Variants in BIN1 observed in about 807,000 individuals in gnomAD.
BIN1 encodes myc box-dependent-interacting protein 1.
In BIN1, 53 loss-of-function variants were observed where a neutral mutation model predicts 82.0. The observed-to-expected ratio is 0.65, with a 90% confidence interval of 0.52 to 0.81. BIN1 has a LOEUF of 0.81. Among genes scored for constraint, BIN1 ranks in the 40% least tolerant of loss-of-function variants. BIN1 has a pLI of 0.00. For synonymous variants in BIN1, 302 were observed against 328.0 expected (o/e 0.92, Z 0.86); for missense variants, 642 against 784.4 (o/e 0.82, Z 2.17).
rs565797852 is a variant in BIN1 at position 127,052,716 on chromosome 2, C to A, written c.1264-354G>T. 88 of 345,158 alleles carry A rather than the reference C, an allele frequency of 2.5e-4. No homozygotes were observed. In the East Asian group the frequency reaches 2.9e-3, roughly 11 times the overall value. The allele number at this position is 345,158 out of a possible 1,614,324, so 21.4% of individuals were successfully genotyped here. A position where few individuals can be genotyped will look rare whatever the true frequency, so the allele number is the denominator to read the frequency against. On this transcript the variant is annotated intron_variant, in intron 14 of 18. Coordinates refer to ENST00000316724, the MANE Select transcript of BIN1 (RefSeq NM_139343.3). Reference sequence around the variant, plus strand: ...GGAGCCTGGGCTGCCAGCGCATGCCCCAAGGGCGCCTGCACACCCGCCTGC... The same window carrying A: ...GGAGCCTGGGCTGCCAGCGCATGCCACAAGGGCGCCTGCACACCCGCCTGC...
At chr2:127,103,344 T>C (rs1680596972) in intron 1 of BIN1, among the ~76,000 whole-genome samples, 1 of 152,122 alleles carries the variant, frequency 6.6e-6, no homozygotes, top group Non-Finnish European at 1.5e-5. Flanking sequence ...ATAGTGCAAT[T>C]CATGGCCATG....
intron 7 of BIN1, among the ~76,000 whole-genome samples, chr2:127,065,452 C>T (rs978967184): frequency 2.6e-5 from 4 of 152,144 alleles, no homozygotes; most frequent in African/African-American, 9.7e-5. Flanking sequence ...CCTGGGTGTC[C>T]CATTACCTGG....
intron 1 of BIN1, among the ~76,000 whole-genome samples, chr2:127,104,087 G>C (rs867646356): frequency 6.6e-6 from 1 of 152,198 alleles, no homozygotes; most frequent in Non-Finnish European, 1.5e-5. Context: ...AGACAGCATC[G>C]GGGACTCAGC....
At position 127,048,073 on chromosome 2, in the gene BIN1, A is replaced by G. The variant is rs1477539182; in HGVS notation, c.*453T>C. 1.0e-5 allele frequency: 2 copies of G among 191,396 alleles called. No individual in the cohort carries two copies. Among genetic ancestry groups the G allele is most frequent in the Non-Finnish European group, 2.2e-5 (2 of 90,822 alleles). The allele number at this position is 191,396 out of a possible 1,614,324, so 11.9% of individuals were successfully genotyped here. A position where few individuals can be genotyped will look rare whatever the true frequency, so the allele number is the denominator to read the frequency against. Reference sequence around the variant, plus strand: ...TTTTTTTTTGTTTCATTTTGTTTTGAACACTAAGATTTATTTTCAAACAGC... The same window carrying G: ...TTTTTTTTTGTTTCATTTTGTTTTGGACACTAAGATTTATTTTCAAACAGC... On this transcript the variant is annotated 3_prime_UTR_variant, in exon 19 of 19. Transcript: ENST00000316724.
Position 127,053,997 on chromosome 2 carries a change from G to T in BIN1, c.1147C>A (p.Pro383Thr), listed in dbSNP as rs1573549506. The change falls in exon 13 of 19, where the codon CCT (proline) becomes ACT (threonine). Residue 383 changes from proline to threonine, a missense_variant. Physicochemically the swap from Pro to Thr is conservative, Grantham distance 38 (BLOSUM62 -1). Transcript: ENST00000316724. ...AGCAGACTGGCCTGCTCCGAGAAAG[G>T]CCCCGGGGCCTCAAACTTGGCAGCA... Reference protein sequence around the residue: ...TTPSQFEAPGPFSEQASLLDL... With the variant: ...TTPSQFEAPGTFSEQASLLDL... 1.3e-6 allele frequency: 2 copies of T among 1,551,310 alleles called. No individual in the cohort carries two copies. Among genetic ancestry groups the T allele is most frequent in the South Asian group, 2.4e-5 (2 of 84,050 alleles).
At chr2:127,069,871 C>G in intron 5 of BIN1, 124 bp downstream of exon 5, 1 of 978,028 alleles carries the variant, frequency 1.0e-6, no homozygotes, top group Non-Finnish European at 1.5e-6. Context: ...GGTGAAACAC[C>G]GGGCCAGGCG....
intron 10 of BIN1, chr2:127,060,467 T>A: frequency 7.2e-7 from 1 of 1,393,666 alleles, no homozygotes. Context: ...ACGACAGCCC[T>A]GCCGGGCAGC....
At chr2:127,087,977 G>A (rs991037357) in intron 1 of BIN1, among the ~76,000 whole-genome samples, 3 of 152,058 alleles carry the variant, frequency 2.0e-5, no homozygotes, top group East Asian at 1.9e-4. Context: ...ATCATCAAGC[G>A]CCCAGCCAGC....
intron 1 of BIN1, among the ~76,000 whole-genome samples, chr2:127,105,406 C>CA (rs1025729166): frequency 6.6e-6 from 1 of 151,876 alleles, no homozygotes; most frequent in South Asian, 2.1e-4. Flanking sequence ...GTGCTGCCAC[C>CA]CCCCCACCCC....
intron 1 of BIN1, among the ~76,000 whole-genome samples, chr2:127,100,018 G>A (rs796720294): frequency 2.0e-4 from 30 of 151,546 alleles, no homozygotes; most frequent in African/African-American, 7.0e-4. Context: ...GGCCAGCTGT[G>A]GTCTAGAACT....
intron 1 of BIN1, among the ~76,000 whole-genome samples, chr2:127,101,437 C>A (rs909830261): frequency 1.1e-4 from 17 of 152,120 alleles, no homozygotes; most frequent in African/African-American, 3.9e-4. Context: ...TCCTCCCGCA[C>A]GGGACACATG....
At chr2:127,064,607 G>T (rs544403367) in intron 7 of BIN1, among the ~76,000 whole-genome samples, 2 of 152,338 alleles carry the variant, frequency 1.3e-5, no homozygotes, top group African/African-American at 4.8e-5. Context: ...CCACCAGAGG[G>T]AGACCAGAGG....
chr2:127,058,229 G>A (rs1683962085), intron 11 of BIN1, among the ~76,000 whole-genome samples: 1 of 152,222 alleles, frequency 6.6e-6, no homozygotes, highest in African/African-American at 2.4e-5. Context: ...GACAGCGCCT[G>A]CTTCACAGGG....
At chr2:127,101,409 A>T (rs749009) in intron 1 of BIN1, among the ~76,000 whole-genome samples, 1 of 151,566 alleles carries the variant, frequency 6.6e-6, no homozygotes, top group East Asian at 1.9e-4. Context: ...CCACATCTCA[A>T]TCCTCAACCT....
chr2:127,063,430 G>A, intron 9 of BIN1, 141 bp downstream of exon 9: 1 of 913,262 alleles, frequency 1.1e-6, no homozygotes, highest in Non-Finnish European at 1.7e-6. Flanking sequence ...TGTTCCACAG[G>A]GCCGGGAGGG....
intron 1 of BIN1, among the ~76,000 whole-genome samples, chr2:127,084,942 TCA>T (rs1376106928): frequency 6.6e-6 from 1 of 152,096 alleles, no homozygotes; most frequent in Non-Finnish European, 1.5e-5. Context: ...CCCAGTGAAG[TCA>T]CACGTACAGA....
chr2:127,050,871 A>G lies in BIN1; in HGVS notation c.1503T>C (p.Thr501=). The G allele has an allele frequency of 6.2e-7, 1 of 1,613,892 alleles. No individual in the cohort carries two copies. The highest frequency in any genetic ancestry group is 8.5e-7 in the Non-Finnish European group (1 of 1,180,014). ...PAVVVETFPA[T]VNGTVEGGSG... ...TGCCGCCCTCCACGGTGCCATTCAC[A>G]GTTGCTGGGAAGGTCTCCACCACGA... The change falls in exon 17 of 19, where the codon ACT becomes ACC. Residue 501 remains threonine (T), a synonymous_variant. Coordinates refer to ENST00000316724, the MANE Select transcript of BIN1 (RefSeq NM_139343.3).
rs1558817118 is a variant in BIN1, at chr2:127,062,110, C to CG, written c.857+4dup. The stretch of plus-strand genomic sequence containing the variant: ...CAGGGGCGCCAGGGCTCTCCCCGCA[C>CG]GCACCTGGGCTGGGCCTTGACCGTG... On this transcript the variant is annotated splice_donor_region_variant and intron_variant, in intron 10 of 18. Coordinates refer to ENST00000316724, the MANE Select transcript of BIN1 (RefSeq NM_139343.3). 6.2e-7 allele frequency: 1 copy of CG among 1,603,060 alleles called. No homozygotes were observed. The highest frequency in any genetic ancestry group is 1.1e-5 in the South Asian group (1 of 89,052).
rs549752388 is a variant in BIN1, at chr2:127,067,821, T to C, written c.612+342A>G. ...GCATGGCAGTACAGGGGCCTGATGA[T>C]GTCGCCTCCCTCCCCAGAGGAGCCC... On this transcript the variant is annotated intron_variant, in intron 7 of 18. Transcript: ENST00000316724. The surrounding 1 kb of genome is among the most constrained non-coding windows in gnomAD (Gnocchi z 4.7). Among the ~76,000 whole-genome samples the C allele has an allele frequency of 6.6e-6, 1 of 152,302 alleles. No homozygotes were observed. Among genetic ancestry groups the C allele is most frequent in the African/African-American group, 2.4e-5 (1 of 41,560 alleles).
Sources: gnomAD v4.1 joint callset for allele counts (sites outside exome capture counted in the v4.1 genomes callset) on GRCh38, gnomAD v4.1.1 for gene constraint, Gnocchi (gnomAD v3.1) non-coding constraint, MANE v1.5 for transcripts, NCBI Gene and HGNC (gene_info 2026-07-23, HGNC 2026-07-21) for gene names.